NEMP2: variants seen among roughly 807,000 people sequenced by gnomAD.
The protein encoded by NEMP2 is nuclear envelope integral membrane protein 2, also known as UPF0571 transmembrane protein.
Under a neutral mutation model 54.2 loss-of-function variants are expected in NEMP2, and 53 were observed. The observed-to-expected ratio is 0.98, with a 90% CI of 0.78 to 1.23. The LOEUF (loss-of-function observed/expected upper bound fraction) is 1.23, where lower values mean the gene tolerates loss of function less well. Among genes scored for constraint, NEMP2 ranks in the 50% most tolerant of loss-of-function variants. NEMP2 has a pLI of 0.00. For synonymous variants in NEMP2, 197 were observed against 190.3 expected (o/e 1.04, Z -0.29); for missense variants, 455 against 511.3 (o/e 0.89, Z 1.06).
At chr2:190,601,664 T>G in the NEMP2 span, among the ~76,000 whole-genome samples, 1 of 152,146 alleles carries the variant, frequency 6.6e-6, no homozygotes, top group African/African-American at 2.4e-5. This position sits in a 1 kb window ranked among gnomAD's most constrained non-coding sequence, Gnocchi z 5.8. Context: ...ACGCAAATGA[T>G]AAAAACCTGT....
chr2:190,579,057 G>A, the NEMP2 span, among the ~76,000 whole-genome samples: 1 of 152,064 alleles, frequency 6.6e-6, no homozygotes, highest in African/African-American at 2.4e-5. Context: ...TGGTCACAGG[G>A]CAGCATTGTT....
the NEMP2 span, among the ~76,000 whole-genome samples, chr2:190,429,941 C>T: frequency 2.6e-5 from 4 of 152,008 alleles, no homozygotes; most frequent in East Asian, 3.9e-4. Context: ...TGGTGTGCTG[C>T]ACCCATTAAC....
At chr2:190,499,926 T>G, downstream of NEMP2, 1 of 1,590,806 alleles carries the variant, frequency 6.3e-7, no homozygotes, top group Non-Finnish European at 8.6e-7. This position sits in a 1 kb window ranked among gnomAD's most constrained non-coding sequence, Gnocchi z 6.0. Context: ...GATCTCCCCA[T>G]GTTTCCTGTC....
In NEMP2 at chr2:190,529,045, T is replaced by C. The variant is rs1031422232; in HGVS notation, c.98-3667A>G. On this transcript the variant is annotated intron_variant, in intron 1 of 8. Transcript: ENST00000409150. This position sits in a 1 kb window ranked among gnomAD's most constrained non-coding sequence, Gnocchi z 4.7. ...TTTTCAATTAGCAAATAGATCTTTT[T>C]AAAAACATGAATTGGGCCCGGGTAC... is the stretch of plus-strand genomic sequence containing the variant. 2.6e-5 allele frequency among the ~76,000 whole-genome samples: 4 copies of C among 152,134 alleles called. No homozygotes were observed. The highest frequency in any genetic ancestry group is 9.7e-5 in the African/African-American group (4 of 41,418).
At chr2:190,524,965 A>G (rs1424342403) in intron 2 of NEMP2, among the ~76,000 whole-genome samples, 1 of 152,236 alleles carries the variant, frequency 6.6e-6, no homozygotes, top group Non-Finnish European at 1.5e-5. Context: ...TGTGGAAAGT[A>G]GGAGGAACAT....
the NEMP2 span, among the ~76,000 whole-genome samples, chr2:190,583,167 G>A: frequency 2.6e-5 from 4 of 151,596 alleles, no homozygotes; most frequent in Non-Finnish European, 4.4e-5. Context: ...CAGCCTTAAC[G>A]ATTTTTAAAA....
At chr2:190,538,798 A>C (rs1290372509), upstream of NEMP2, among the ~76,000 whole-genome samples, 1 of 152,012 alleles carries the variant, frequency 6.6e-6, no homozygotes, top group Admixed American at 6.6e-5. This position sits in a 1 kb window ranked among gnomAD's most constrained non-coding sequence, Gnocchi z 4.1. Context: ...CTTATTTTAA[A>C]ATTGGATTAT....
the NEMP2 span, chr2:190,477,476 G>C: frequency 5.3e-6 from 3 of 563,272 alleles, no homozygotes; most frequent in Non-Finnish European, 6.7e-6. Context: ...GGAAAAGGAC[G>C]GTTTCCATAA....
chr2:190,594,307 C>G, the NEMP2 span, among the ~76,000 whole-genome samples: 1 of 152,208 alleles, frequency 6.6e-6, no homozygotes, highest in African/African-American at 2.4e-5. This position sits in a 1 kb window ranked among gnomAD's most constrained non-coding sequence, Gnocchi z 5.6. Context: ...CCACCCCCGT[C>G]ACCATCCATG....
chr2:190,602,732 C>G, the NEMP2 span, among the ~76,000 whole-genome samples: 1 of 152,144 alleles, frequency 6.6e-6, no homozygotes, highest in Non-Finnish European at 1.5e-5. Flanking sequence ...GTGCAGTTTT[C>G]TGGCTGGGGC....
At chr2:190,480,706 G>C in the NEMP2 span, among the ~76,000 whole-genome samples, 1 of 152,172 alleles carries the variant, frequency 6.6e-6, no homozygotes, top group Non-Finnish European at 1.5e-5. Flanking sequence ...TATAAGCTCT[G>C]TGTCTTTGGA....
chr2:190,453,144 G>A, the NEMP2 span, among the ~76,000 whole-genome samples: 1 of 151,972 alleles, frequency 6.6e-6, no homozygotes, highest in African/African-American at 2.4e-5. Flanking sequence ...CATTGGGAGT[G>A]GATATAAAAT....
the NEMP2 span, among the ~76,000 whole-genome samples, chr2:190,539,771 A>G: frequency 3.9e-5 from 6 of 152,150 alleles, no homozygotes; most frequent in Non-Finnish European, 8.8e-5. The surrounding 1 kb of genome is among the most constrained non-coding windows in gnomAD (Gnocchi z 4.1). Context: ...TGATTTTTGT[A>G]TCCTGCAACT....
the NEMP2 span, among the ~76,000 whole-genome samples, chr2:190,494,505 C>T: frequency 3.3e-5 from 5 of 152,096 alleles, no homozygotes; most frequent in Admixed American, 2.0e-4. The surrounding 1 kb of genome is among the most constrained non-coding windows in gnomAD (Gnocchi z 5.7). Flanking sequence ...TCTATGAAGC[C>T]AGTATCACCC....
chr2:190,476,463 T>C, the NEMP2 span, among the ~76,000 whole-genome samples: 1 of 152,194 alleles, frequency 6.6e-6, no homozygotes, highest in South Asian at 2.1e-4. Flanking sequence ...ATGCTCATCA[T>C]CACTGGCCAT....
Position 190,533,772 on chromosome 2 carries a change from G to A in NEMP2, c.97+787C>T, listed in dbSNP as rs909733110. Reference sequence around the variant, plus strand: ...GAAATCTTTTAAAAGATTTTATGAGGGGAAAAAAAAAAAGAAACAGAAATG... The same window carrying A: ...GAAATCTTTTAAAAGATTTTATGAGAGGAAAAAAAAAAAGAAACAGAAATG... On this transcript the variant is annotated intron_variant, in intron 1 of 8. Transcript: ENST00000409150. This position sits in a 1 kb window ranked among gnomAD's most constrained non-coding sequence, Gnocchi z 4.3. 3.2e-4 allele frequency among the ~76,000 whole-genome samples: 43 copies of A among 132,884 alleles called. No individual in the cohort carries two copies. Among genetic ancestry groups the A allele is most frequent in the African/African-American group, 1.2e-3 (42 of 35,204 alleles). 87.2% of individuals were successfully genotyped at this position (132,884 alleles called of 152,430 possible).
the NEMP2 span, among the ~76,000 whole-genome samples, chr2:190,622,965 G>C: frequency 1.3e-5 from 2 of 151,892 alleles, no homozygotes; most frequent in Non-Finnish European, 2.9e-5. Context: ...AACTAGAACA[G>C]ACAAACCAAT....
At chr2:190,636,249 T>G in the NEMP2 span, among the ~76,000 whole-genome samples, 1 of 152,252 alleles carries the variant, frequency 6.6e-6, no homozygotes, top group Non-Finnish European at 1.5e-5. Flanking sequence ...AATCATCTTA[T>G]GGCATTTCCT....
chr2:190,631,094 CA>C, the NEMP2 span, among the ~76,000 whole-genome samples: 2 of 151,906 alleles, frequency 1.3e-5, no homozygotes. Context: ...AATATTTCAA[CA>C]GGCCAAGCGT....
Sources: gnomAD v4.1 joint callset for allele counts (sites outside exome capture counted in the v4.1 genomes callset) on GRCh38, gnomAD v4.1.1 for gene constraint, Gnocchi (gnomAD v3.1) non-coding constraint, MANE v1.5 for transcripts, NCBI Gene and HGNC (gene_info 2026-07-23, HGNC 2026-07-21) for gene names.